SPRED1: variants seen among roughly 807,000 people sequenced by gnomAD.
The protein encoded by SPRED1 is sprouty related EVH1 domain containing 1, also known as sprouty-related, EVH1 domain-containing protein 1.
In SPRED1, 18 loss-of-function variants were observed where a neutral mutation model predicts 52.3. That is an observed-to-expected ratio of 0.34 (90% CI 0.24 to 0.51). The LOEUF (loss-of-function observed/expected upper bound fraction) is 0.51. Among genes scored for constraint, SPRED1 ranks in the 20% least tolerant of loss-of-function variants. The pLI, the probability that SPRED1 is intolerant of heterozygous loss-of-function variation, is 0.97. For missense variants in SPRED1, 485 were observed against 551.0 expected (o/e 0.88, Z 1.20); for synonymous variants, 155 against 179.7 (o/e 0.86, Z 1.10).
At chr15:38,349,777 G>T (rs1289933246) in intron 6 of SPRED1, among the ~76,000 whole-genome samples, 1 of 152,150 alleles carries the variant, frequency 6.6e-6, no homozygotes, top group Admixed American at 6.6e-5. Flanking sequence ...TAAATAAACT[G>T]TATCTGTCAC....
chr15:38,262,806 A>G (rs1894230977), intron 1 of SPRED1, among the ~76,000 whole-genome samples: 1 of 152,206 alleles, frequency 6.6e-6, no homozygotes, highest in African/African-American at 2.4e-5. Flanking sequence ...AATTTTATAG[A>G]TGAAACACCG....
chr15:38,331,798 A>G (rs970319596), intron 4 of SPRED1, among the ~76,000 whole-genome samples: 6 of 152,318 alleles, frequency 3.9e-5, no homozygotes, highest in Middle Eastern at 3.4e-3. Context: ...AGTTGATAAC[A>G]TAAGTTTGCC....
chr15:38,308,347 T>C (rs1895293222), intron 2 of SPRED1, among the ~76,000 whole-genome samples: 1 of 152,238 alleles, frequency 6.6e-6, no homozygotes, highest in African/African-American at 2.4e-5. Context: ...CAATCTATCA[T>C]ATTCAGATTT....
intron 1 of SPRED1, among the ~76,000 whole-genome samples, chr15:38,291,377 T>G (rs761826238): frequency 6.6e-6 from 1 of 152,170 alleles, no homozygotes; most frequent in Non-Finnish European, 1.5e-5. Context: ...GTGGAAGCTG[T>G]CAGTGAATCT....
intron 5 of SPRED1, among the ~76,000 whole-genome samples, chr15:38,344,641 G>A (rs578089614): frequency 5.3e-5 from 8 of 152,130 alleles, no homozygotes; most frequent in Non-Finnish European, 1.2e-4. Context: ...CCTTGGGCAA[G>A]CTACTTAGGT....
intron 2 of SPRED1, among the ~76,000 whole-genome samples, chr15:38,310,115 T>TTGTGTG (rs767218956): frequency 1.4e-3 from 33 of 23,188 alleles, no homozygotes; most frequent in African/African-American, 3.3e-3. Context: ...AGACTATTCT[T>TTGTGTG]TGTGTGTGTG....
At chr15:38,345,080 G>T (rs561588700) in intron 5 of SPRED1, among the ~76,000 whole-genome samples, 1 of 152,164 alleles carries the variant, frequency 6.6e-6, no homozygotes, top group Non-Finnish European at 1.5e-5. Context: ...TTTTCCATTT[G>T]TATGTGACCA....
intron 1 of SPRED1, among the ~76,000 whole-genome samples, chr15:38,256,153 A>G (rs1300963628): frequency 6.6e-6 from 1 of 152,174 alleles, no homozygotes; most frequent in Non-Finnish European, 1.5e-5. Flanking sequence ...AGAATAAAGC[A>G]TTTCTTAGAT....
At chr15:38,295,811 G>A (rs558841992) in intron 1 of SPRED1, among the ~76,000 whole-genome samples, 1 of 152,112 alleles carries the variant, frequency 6.6e-6, no homozygotes, top group African/African-American at 2.4e-5. Context: ...GCATAATACT[G>A]TACTCTAGAC....
At position 38,253,252 on chromosome 15, in the gene SPRED1, CT is replaced by C. The variant is rs1310977122; in HGVS notation, c.32+36del. 1.9e-6 allele frequency: 3 copies of C among 1,556,156 alleles called. No individual in the cohort carries two copies. In the Admixed American group the frequency reaches 5.8e-5, roughly 30 times the overall value. On this transcript the variant is annotated intron_variant, in intron 1 of 6. Transcript: ENST00000299084. Reference sequence around the variant, plus strand: ...TCATTGATCTCGATTGCTAATCCCCCTCCCCCTATCCGCCCTCGGCTCTCCC... The same window carrying C: ...TCATTGATCTCGATTGCTAATCCCCCCCCCCTATCCGCCCTCGGCTCTCCC...
In SPRED1 at chr15:38,345,954, A is replaced by G. The variant is rs149503957; in HGVS notation, c.583-3468A>G. ...AGATGGGACCCATAAGGAATTGTCA[A>G]CTACGCTAGTTTATGTTCCCTTAGT... is the stretch of plus-strand genomic sequence containing the variant. On this transcript the variant is annotated intron_variant, in intron 5 of 6. Transcript: ENST00000299084. 3.2e-3 allele frequency among the ~76,000 whole-genome samples: 480 copies of G among 152,324 alleles called. 6 individuals carry two copies. Among genetic ancestry groups the G allele is most frequent in the Middle Eastern group, 3.4e-3 (1 of 294 alleles).
intron 1 of SPRED1, among the ~76,000 whole-genome samples, chr15:38,297,145 A>G (rs1243881614): frequency 6.6e-6 from 1 of 152,186 alleles, no homozygotes; most frequent in African/African-American, 2.4e-5. Context: ...TCTCTTTATC[A>G]TCTACCCAGT....
At chr15:38,306,901 A>G (rs568670025) in intron 2 of SPRED1, among the ~76,000 whole-genome samples, 1 of 152,210 alleles carries the variant, frequency 6.6e-6, no homozygotes, top group African/African-American at 2.4e-5. Context: ...TTAAACTAAC[A>G]TCATTCCTTT....
chr15:38,256,647 A>G (rs930310677), intron 1 of SPRED1, among the ~76,000 whole-genome samples: 2 of 152,164 alleles, frequency 1.3e-5, no homozygotes, highest in Admixed American at 6.5e-5. Flanking sequence ...TAAACGTACT[A>G]TGTTGTAATC....
At chr15:38,296,905 A>G (rs1456546699) in intron 1 of SPRED1, among the ~76,000 whole-genome samples, 2 of 152,176 alleles carry the variant, frequency 1.3e-5, no homozygotes, top group Non-Finnish European at 2.9e-5. Flanking sequence ...ACCTTCATGA[A>G]TGGATTCGTA....
chr15:38,326,900 T>A (rs1170494116), intron 4 of SPRED1, among the ~76,000 whole-genome samples: 1 of 152,216 alleles, frequency 6.6e-6, no homozygotes, highest in East Asian at 1.9e-4. Context: ...TCCCAGGTCC[T>A]AAGTTCCACT....
chr15:38,340,074 A>C (rs1004781140), intron 5 of SPRED1, among the ~76,000 whole-genome samples, 179 bp downstream of exon 5: 18 of 152,238 alleles, frequency 1.2e-4, no homozygotes, highest in Admixed American at 6.5e-5. Flanking sequence ...AGAGTGAAAC[A>C]ATAAACATAT....
intron 1 of SPRED1, among the ~76,000 whole-genome samples, chr15:38,272,777 T>C (rs1439489098): frequency 6.6e-6 from 1 of 152,210 alleles, no homozygotes; most frequent in Non-Finnish European, 1.5e-5. Flanking sequence ...TGTATTTCTC[T>C]GATTATTAGT....
rs184024152 is a variant in SPRED1, at chr15:38,354,084, T to A, written c.*2420T>A. ...TTATTTTACCTTGGATCTTTATAGTTAACATACCCAGTTTCTTAATCAGTC... is the reference window on the plus strand; with the variant it reads ...TTATTTTACCTTGGATCTTTATAGTAAACATACCCAGTTTCTTAATCAGTC... On this transcript the variant is annotated 3_prime_UTR_variant, in exon 7 of 7. Transcript: ENST00000299084. 6.6e-6 allele frequency: 1 copy of A among 152,620 alleles called. No individual in the cohort carries two copies. The highest frequency in any genetic ancestry group is 6.5e-5 in the Admixed American group (1 of 15,280). The allele number at this position is 152,620 out of a possible 1,614,324, so 9.5% of individuals were successfully genotyped here.
Sources: allele counts gnomAD v4.1 joint callset (sites outside exome capture counted in the v4.1 genomes callset), GRCh38; gene constraint gnomAD v4.1.1; transcripts MANE v1.5; gene names NCBI Gene and HGNC (gene_info 2026-07-23, HGNC 2026-07-21).